Variants in CNTN1 observed in about 807,000 individuals in gnomAD.
CNTN1 encodes contactin 1.
A neutral mutation model predicts 126.4 loss-of-function variants in CNTN1; 38 were observed. That is an observed-to-expected ratio of 0.30 (90% CI 0.23 to 0.39). CNTN1 has a LOEUF of 0.39. CNTN1 is among the 10% of genes least tolerant of loss of function. The pLI, the probability that CNTN1 is intolerant of heterozygous loss-of-function variation, is 1.00. For missense variants in CNTN1, 1,009 were observed against 1,248.4 expected, an observed-to-expected ratio of 0.81 and a Z score of 2.89; for synonymous variants, 413 against 422.6, an observed-to-expected ratio of 0.98 and a Z score of 0.28.
chr12:40,917,664 C>G (rs11179042), intron 3 of CNTN1, among the ~76,000 whole-genome samples: 15 of 151,942 alleles, frequency 9.9e-5, no homozygotes, highest in Admixed American at 8.5e-4. Context: ...TAAGAATATT[C>G]GTTCTTTCTA....
intron 1 of CNTN1, among the ~76,000 whole-genome samples, chr12:40,748,628 CTTTA>C (rs1315356529): frequency 6.6e-6 from 1 of 152,094 alleles, no homozygotes; most frequent in East Asian, 1.9e-4. Context: ...AAAATCAAAA[CTTTA>C]TTTAAATAGA....
intron 10 of CNTN1, 25 bp from the exon 11 acceptor site, chr12:40,937,543 AAT>A (rs1946122467): frequency 1.5e-6 from 2 of 1,373,314 alleles, no homozygotes; most frequent in Non-Finnish European, 2.1e-6. Context: ...GTTCATTGAG[AAT>A]ATGTTTCAAT....
chr12:40,928,630 A>G (rs1187017210), intron 6 of CNTN1, among the ~76,000 whole-genome samples: 1 of 152,108 alleles, frequency 6.6e-6, no homozygotes, highest in Non-Finnish European at 1.5e-5. Context: ...TTGAAAACCA[A>G]AAGAATATAA....
chr12:40,789,112 A>G (rs534880129), intron 1 of CNTN1, among the ~76,000 whole-genome samples: 3 of 152,272 alleles, frequency 2.0e-5, no homozygotes, highest in Admixed American at 6.5e-5. Flanking sequence ...TTCAGTGAAT[A>G]CTTTGAGATT....
rs181441403 is a variant in CNTN1, at chr12:40,867,232, A to C, written c.-76-41125A>C. ...GCATCCACTTGGTCTAGTGACATAGAAACTAAAAAGACAAGGTCTCCCCAC... is the reference window on the plus strand; with the variant it reads ...GCATCCACTTGGTCTAGTGACATAGCAACTAAAAAGACAAGGTCTCCCCAC... On this transcript the variant is annotated intron_variant, in intron 1 of 23. Transcript: ENST00000551295. 7.5e-3 allele frequency among the ~76,000 whole-genome samples: 1,144 copies of C among 152,270 alleles called. 6 individuals are homozygous for C. Among genetic ancestry groups the C allele is most frequent in the Non-Finnish European group, 0.012 (803 of 68,006 alleles).
chr12:41,020,198 AG>A, intron 19 of CNTN1, 138 bp from the exon 20 acceptor site: 1 of 597,924 alleles, frequency 1.7e-6, no homozygotes, highest in Non-Finnish European at 3.0e-6. Context: ...AATTGCACTT[AG>A]TTTGAAAATA....
intron 1 of CNTN1, among the ~76,000 whole-genome samples, chr12:40,783,879 G>A (rs918799935): frequency 6.6e-6 from 1 of 152,046 alleles, no homozygotes; most frequent in Non-Finnish European, 1.5e-5. Flanking sequence ...GAAATTATAT[G>A]TGTAACATAG....
intron 23 of CNTN1, among the ~76,000 whole-genome samples, chr12:41,043,197 A>T (rs1048183169): frequency 3.9e-5 from 6 of 152,168 alleles, no homozygotes; most frequent in African/African-American, 7.2e-5. Flanking sequence ...AGAAACTACC[A>T]TCAGAGTGAA....
At chr12:40,899,042 AG>A (rs1346363338) in intron 1 of CNTN1, among the ~76,000 whole-genome samples, 1 of 152,216 alleles carries the variant, frequency 6.6e-6, no homozygotes, top group Non-Finnish European at 1.5e-5. Flanking sequence ...GGATTATTAC[AG>A]CACAGGAAGT....
chr12:40,805,512 T>C (rs1446541656), intron 1 of CNTN1, among the ~76,000 whole-genome samples: 1 of 152,088 alleles, frequency 6.6e-6, no homozygotes, highest in East Asian at 1.9e-4. Flanking sequence ...AGTACTTCCA[T>C]TTGACTGTTA....
intron 15 of CNTN1, among the ~76,000 whole-genome samples, chr12:40,979,983 T>A (rs1212153092): frequency 2.0e-5 from 3 of 152,196 alleles, no homozygotes; most frequent in African/African-American, 7.2e-5. Context: ...AATTGACAAT[T>A]ATTTTCTATA....
At chr12:41,016,262 G>A (rs1000626149) in intron 18 of CNTN1, among the ~76,000 whole-genome samples, 1 of 152,178 alleles carries the variant, frequency 6.6e-6, no homozygotes, top group African/African-American at 2.4e-5. Context: ...TATAGACTTT[G>A]TTAGGGTTAA....
intron 1 of CNTN1, among the ~76,000 whole-genome samples, chr12:40,707,227 C>T (rs796660604): frequency 1.2e-3 from 134 of 109,002 alleles, no homozygotes; most frequent in African/African-American, 3.0e-3. Flanking sequence ...TTTTCTTTTT[C>T]TTTTTTTTTT....
intron 23 of CNTN1, among the ~76,000 whole-genome samples, chr12:41,059,490 A>G (rs1006327749): frequency 3.9e-5 from 6 of 152,168 alleles, no homozygotes; most frequent in African/African-American, 1.4e-4. Context: ...GTAATGTTTA[A>G]AGATGTTTAT....
At chr12:40,980,060 T>C (rs1947779058) in intron 15 of CNTN1, among the ~76,000 whole-genome samples, 2 of 152,170 alleles carry the variant, frequency 1.3e-5, no homozygotes, top group Admixed American at 1.3e-4. Context: ...TGAAATGTAT[T>C]ATGCAAAATG....
chr12:40,778,819 G>A (rs921808824), intron 1 of CNTN1, among the ~76,000 whole-genome samples: 1 of 151,666 alleles, frequency 6.6e-6, no homozygotes, highest in African/African-American at 2.4e-5. Context: ...TATAATAGTG[G>A]GGAAAAGTCC....
At chr12:40,960,395 A>G (rs945625228) in intron 15 of CNTN1, among the ~76,000 whole-genome samples, 2 of 152,040 alleles carry the variant, frequency 1.3e-5, no homozygotes, top group East Asian at 3.9e-4. Flanking sequence ...TAAATTGGCA[A>G]TAAAATGATA....
At chr12:40,783,395 A>G (rs1448527492) in intron 1 of CNTN1, among the ~76,000 whole-genome samples, 1 of 152,080 alleles carries the variant, frequency 6.6e-6, no homozygotes, top group Non-Finnish European at 1.5e-5. Flanking sequence ...AACTGACTCA[A>G]AAATCTCAAA....
chr12:40,956,261 A>G (rs965720911), intron 14 of CNTN1, among the ~76,000 whole-genome samples: 1 of 152,130 alleles, frequency 6.6e-6, no homozygotes, highest in Non-Finnish European at 1.5e-5. Flanking sequence ...CTGTATACAT[A>G]TATAACACAG....
Sources: allele counts gnomAD v4.1 joint callset (sites outside exome capture counted in the v4.1 genomes callset), GRCh38; gene constraint gnomAD v4.1.1; transcripts MANE v1.5; gene names NCBI Gene and HGNC (gene_info 2026-07-23, HGNC 2026-07-21).